The following FLNC variants were observed in gnomAD, a reference collection of about 807,000 sequenced individuals.
FLNC encodes the protein filamin-C.
A neutral mutation model predicts 254.3 loss-of-function variants in FLNC; 91 were observed. The observed-to-expected ratio is 0.36, with a 90% confidence interval of 0.30 to 0.43. The LOEUF (loss-of-function observed/expected upper bound fraction) is 0.43, where lower values mean the gene tolerates loss of function less well. Ranked by LOEUF, FLNC falls within the 20% of genes least tolerant of loss-of-function variation. The pLI is 1.00. For missense variants in FLNC, 2,853 were observed against 3,802.6 expected, an observed-to-expected ratio of 0.75 and a Z score of 6.57; for synonymous variants, 1,430 against 1,577.2, an observed-to-expected ratio of 0.91 and a Z score of 2.21.
Position 128,846,827 on chromosome 7 carries a change from A to G in FLNC, c.4210A>G (p.Ser1404Gly). Reference protein sequence around the residue: ...KMSCKDNKDGSCTVEYIPFTP... With the variant: ...KMSCKDNKDGGCTVEYIPFTP... ...GTCCTGCAAGGACAACAAGGATGGT[A>G]GCTGCACCGTGGAGTACATCCCCTT... Residue 1404 changes from serine (S) to glycine (G), a missense_variant, in exon 24 of 48, where the codon AGC becomes GGC. By Grantham distance (56) the Ser-to-Gly change is moderately conservative (BLOSUM62 0). Transcript: ENST00000325888. The G allele has an allele frequency of 4.3e-6, 7 of 1,614,248 alleles. No individual in the cohort carries two copies. Among genetic ancestry groups the G allele is most frequent in the Non-Finnish European group, 5.9e-6 (7 of 1,180,034 alleles).
intron 21 of FLNC, 30 bp from the exon 22 acceptor site, chr7:128,845,960 C>G (rs764953062): frequency 6.2e-7 from 1 of 1,611,094 alleles, no homozygotes; most frequent in East Asian, 2.2e-5. Context: ...TGCCCCCACC[C>G]CTGCTGAACA....
intron 1 of FLNC, among the ~76,000 whole-genome samples, chr7:128,834,316 C>A (rs994272934): frequency 1.3e-5 from 2 of 150,244 alleles, no homozygotes; most frequent in Non-Finnish European, 3.0e-5. Context: ...TAGGCGCCCC[C>A]CCCCCCCAAA....
intron 17 of FLNC, 31 bp from the exon 18 acceptor site, chr7:128,843,377 G>C (rs1466854948): frequency 1.9e-6 from 3 of 1,613,498 alleles, no homozygotes; most frequent in Admixed American, 3.3e-5. Flanking sequence ...TGGCTGCCAG[G>C]CCCTCACCAC....
intron 9 of FLNC, 113 bp downstream of exon 9, chr7:128,840,273 T>C: frequency 1.5e-6 from 2 of 1,310,194 alleles, no homozygotes; most frequent in Admixed American, 3.6e-5. Flanking sequence ...AGCTCCACAG[T>C]GACCAGAGGC....
intron 26 of FLNC, among the ~76,000 whole-genome samples, chr7:128,848,273 C>T (rs1022158515): frequency 2.0e-5 from 3 of 152,108 alleles, no homozygotes; most frequent in Admixed American, 6.5e-5. Context: ...GCAAACCTAG[C>T]GCCTTAGGAA....
rs372769089 is a variant in FLNC at position 128,837,303 on chromosome 7, G to A, written c.699+46G>A. ...GGGGGGAAAGGGGGCAGGGGCAGAG[G>A]TTGGGTCTGTAAGTTTACCTGGCCA... On this transcript the variant is annotated intron_variant, in intron 3 of 47. Coordinates refer to ENST00000325888, the MANE Select transcript of FLNC (RefSeq NM_001458.5). The A allele has an allele frequency of 4.1e-5, 66 of 1,605,842 alleles. No homozygotes were observed. The African/African-American group carries it at 5.3e-4, about 13-fold the overall frequency.
Position 128,849,473 on chromosome 7 carries a change from T to C in FLNC, c.5094T>C (p.His1698=), listed in dbSNP as rs1585164626. The change falls in exon 30 of 48, where the codon CAT becomes CAC. Residue 1698 remains histidine, a synonymous_variant. Coordinates refer to ENST00000325888, the MANE Select transcript of FLNC (RefSeq NM_001458.5). ...TCGATGTGGATGTGGTTGAGAACCA[T>C]GACGGTACCTTTGACATCTACTACA... is the stretch of plus-strand genomic sequence containing the variant. ...AELDVDVVEN[H]DGTFDIYYTA... 6.2e-7 allele frequency: 1 copy of C among 1,614,224 alleles called. No individual in the cohort carries two copies. The highest frequency in any genetic ancestry group is 8.5e-7 in the Non-Finnish European group (1 of 1,180,032).
intron 9 of FLNC, 86 bp downstream of exon 9, chr7:128,840,246 G>A: frequency 1.3e-6 from 2 of 1,516,772 alleles, no homozygotes; most frequent in Non-Finnish European, 1.8e-6. Flanking sequence ...CCAGAGGGCA[G>A]TGACAGCCAG....
Position 128,848,900 on chromosome 7 carries a change from G to A in FLNC, c.4845G>A (p.Lys1615=). 1.2e-6 allele frequency: 2 copies of A among 1,613,828 alleles called. No individual in the cohort carries two copies. Among genetic ancestry groups the A allele is most frequent in the Non-Finnish European group, 1.7e-6 (2 of 1,179,910 alleles). Residue 1615 remains lysine, a synonymous_variant, in exon 28 of 48, where the codon AAG becomes AAA. Transcript: ENST00000325888. ...DMSGRYTITI[K]YGGDEIPYSP... is the part of the protein sequence containing the mutation. ...GTGGCCGGTACACCATCACCATCAAGTATGGCGGTGATGAGATCCCCTACT... is the reference window on the plus strand; with the variant it reads ...GTGGCCGGTACACCATCACCATCAAATATGGCGGTGATGAGATCCCCTACT...
intron 31 of FLNC, 21 bp downstream of exon 31, chr7:128,850,095 C>T: frequency 6.8e-7 from 1 of 1,479,628 alleles, no homozygotes; most frequent in Non-Finnish European, 9.1e-7. Flanking sequence ...TCCCACCAGG[C>T]GATGTCCTCC....
At position 128,847,786 on chromosome 7, in the gene FLNC, C is replaced by T. The variant is rs376265227; in HGVS notation, c.4378C>T (p.Arg1460Trp). 4.3e-6 allele frequency: 7 copies of T among 1,613,616 alleles called. No homozygotes were observed. The highest frequency in any genetic ancestry group is 1.3e-5 in the African/African-American group (1 of 74,904). ...AGGGCTGGGGGCTGGTGTCAGGGCCCGGGTTCCTCAGACCTTCACAGTGGA... is the reference window on the plus strand; with the variant it reads ...AGGGCTGGGGGCTGGTGTCAGGGCCTGGGTTCCTCAGACCTTCACAGTGGA... Reference protein sequence around the residue: ...GPGLGAGVRARVPQTFTVDCS... With the variant: ...GPGLGAGVRAWVPQTFTVDCS... The change falls in exon 25 of 48, where the codon CGG becomes TGG. Residue 1460 changes from arginine (R) to tryptophan (W), a missense_variant. By Grantham distance (101) the Arg-to-Trp change is moderately radical. Around this residue, in one of 10 missense-constraint regions of FLNC, gnomAD observed 1,573 missense variants for 1,883.5 expected, o/e 0.84. Transcript: ENST00000325888.
In FLNC at chr7:128,840,969, G is replaced by C; in HGVS notation, c.1812G>C (p.Leu604=). 6.3e-7 allele frequency: 1 copy of C among 1,592,654 alleles called. No homozygotes were observed. Residue 604 remains leucine (L), a splice_region_variant and synonymous_variant, in exon 11 of 48, where the codon CTG becomes CTC. Transcript: ENST00000325888. The stretch of plus-strand genomic sequence containing the variant: ...CCATTGGCACCGAGGTGGGGACACT[G>C]GGTAAGTGGCTGGGGGGCAGGAGGA... ...VEAIGTEVGT[L]GFSIEGPSQA...
chr7:128,836,240 C>T lies in FLNC; in HGVS notation c.601+666C>T, dbSNP rs1487615957. 6.6e-6 allele frequency among the ~76,000 whole-genome samples: 1 copy of T among 152,222 alleles called. No homozygotes were observed. The highest frequency in any genetic ancestry group is 2.4e-5 in the African/African-American group (1 of 41,442). ...CCCATGGACAGCTCCCTTTCTGCCC[C>T]TCATCTCCTGAAAAGATAGGTTTTC... is the stretch of plus-strand genomic sequence containing the variant. On this transcript the variant is annotated intron_variant, in intron 2 of 47. Coordinates refer to ENST00000325888, the MANE Select transcript of FLNC (RefSeq NM_001458.5). This position sits in a 1 kb window ranked among gnomAD's most constrained non-coding sequence, Gnocchi z 6.0.
At position 128,857,929 on chromosome 7, in the gene FLNC, G is replaced by C; in HGVS notation, c.7781-79G>C. 1 of 1,058,704 alleles carries C rather than the reference G, an allele frequency of 9.4e-7. No individual in the cohort carries two copies. The highest frequency in any genetic ancestry group is 1.4e-6 in the Non-Finnish European group (1 of 698,742). 65.6% of individuals were successfully genotyped at this position (1,058,704 alleles called of 1,614,324 possible). On this transcript the variant is annotated intron_variant, in intron 46 of 47. Coordinates refer to ENST00000325888, the MANE Select transcript of FLNC (RefSeq NM_001458.5). The surrounding 1 kb of genome is among the most constrained non-coding windows in gnomAD (Gnocchi z 4.5). ...GCAGTGAGTCCCACAGGGTGGCAGT[G>C]CTGGCCGAGGGTCCCCTGCCTGGGG...
Position 128,856,725 on chromosome 7 carries a change from C to G in FLNC, c.7385-20C>G. 1 of 1,614,128 alleles carries G rather than the reference C, an allele frequency of 6.2e-7. No homozygotes were observed. The highest frequency in any genetic ancestry group is 8.5e-7 in the Non-Finnish European group (1 of 1,180,042). On this transcript the variant is annotated intron_variant, in intron 44 of 47. Transcript: ENST00000325888. This position sits in a 1 kb window ranked among gnomAD's most constrained non-coding sequence, Gnocchi z 5.9. ...GGGAGGGGAAGGATGGAGGCTAAGC[C>G]ACCAACCCTTTATCCACAGACAAGC... is the stretch of plus-strand genomic sequence containing the variant.
At position 128,836,852 on chromosome 7, in the gene FLNC, C is replaced by T. The variant is rs1276866684; in HGVS notation, c.602-308C>T. Among the ~76,000 whole-genome samples the T allele has an allele frequency of 6.6e-6, 1 of 152,120 alleles. No individual in the cohort carries two copies. The highest frequency in any genetic ancestry group is 1.5e-5 in the Non-Finnish European group (1 of 68,014). ...AGAGATAGCGAGAGGGGGTACCCTC[C>T]CAGGGTTTGGGGTTCAAGGTCTGAG... On this transcript the variant is annotated intron_variant, in intron 2 of 47. Transcript: ENST00000325888. This position sits in a 1 kb window ranked among gnomAD's most constrained non-coding sequence, Gnocchi z 6.0.
At chr7:128,839,449 G>A (rs1329083444) in intron 8 of FLNC, among the ~76,000 whole-genome samples, 4 of 152,132 alleles carry the variant, frequency 2.6e-5, no homozygotes, top group African/African-American at 4.8e-5. Flanking sequence ...GTCCTGTTTC[G>A]TAGCACCTGT....
Position 128,852,821 on chromosome 7 carries a change from T to C in FLNC, c.6005-7T>C, listed in dbSNP as rs1585167904. 1.2e-6 allele frequency: 2 copies of C among 1,613,804 alleles called. No individual in the cohort carries two copies. Among genetic ancestry groups the C allele is most frequent in the Non-Finnish European group, 1.7e-6 (2 of 1,180,026 alleles). ...AGGATGCTCTGCCTAACACCCACTT[T>C]CCACAGGGATCTCCTTCACCCCCAA... is the stretch of plus-strand genomic sequence containing the variant. On this transcript the variant is annotated splice_polypyrimidine_tract_variant and splice_region_variant and intron_variant, in intron 36 of 47. Coordinates refer to ENST00000325888, the MANE Select transcript of FLNC (RefSeq NM_001458.5).
At chr7:128,852,285 A>C (rs1372685486) in intron 35 of FLNC, among the ~76,000 whole-genome samples, 1 of 152,216 alleles carries the variant, frequency 6.6e-6, no homozygotes, top group Non-Finnish European at 1.5e-5. Context: ...TGGGCGGTCC[A>C]GTCTAGTGTT....
Sources: gnomAD v4.1 joint callset for allele counts (sites outside exome capture counted in the v4.1 genomes callset) on GRCh38, gnomAD v4.1.1 for gene constraint, gnomAD v4.1.1 regional missense constraint, Gnocchi (gnomAD v3.1) non-coding constraint, MANE v1.5 for transcripts, NCBI Gene and HGNC (gene_info 2026-07-23, HGNC 2026-07-21) for gene names.